The following MYH11 variants were observed in gnomAD, a reference collection of about 807,000 sequenced individuals.
The protein encoded by MYH11 is myosin-11.
A neutral mutation model predicts 246.6 loss-of-function variants in MYH11; 80 were observed. The ratio of observed to expected loss-of-function variants is 0.32; its 90% CI spans 0.27 to 0.39. The LOEUF (loss-of-function observed/expected upper bound fraction) is 0.39, where lower values mean the gene tolerates loss of function less well. Ranked by LOEUF, MYH11 falls within the 10% of genes least tolerant of loss-of-function variation. The probability of loss-of-function intolerance (pLI) is 1.00; values close to 1 mark genes in which losing one functional copy is unlikely to be tolerated. For missense variants in MYH11, 2,158 were observed against 2,546.8 expected, an observed-to-expected ratio of 0.85 and a Z score of 3.29; for synonymous variants, 1,071 against 1,015.5, an observed-to-expected ratio of 1.05 and a Z score of -1.04.
At chr16:15,728,508 T>A (rs1025655504) in intron 27 of MYH11, among the ~76,000 whole-genome samples, 3 of 151,992 alleles carry the variant, frequency 2.0e-5, no homozygotes, top group African/African-American at 7.3e-5. Flanking sequence ...CCTTCACAGG[T>A]GTCGTGTGAT....
intron 4 of MYH11, among the ~76,000 whole-genome samples, chr16:15,790,075 C>A (rs766063286): frequency 5.3e-5 from 8 of 152,168 alleles, no homozygotes; most frequent in Non-Finnish European, 1.2e-4. Flanking sequence ...GAGGCTGAGG[C>A]GGGTGGATCA....
At chr16:15,725,160 C>T in intron 28 of MYH11, 168 bp from the exon 29 acceptor site, 1 of 649,862 alleles carries the variant, frequency 1.5e-6, no homozygotes. Flanking sequence ...CACACACACA[C>T]ACAAAAAAAA....
intron 5 of MYH11, chr16:15,786,139 A>C (rs1285010864): frequency 3.1e-6 from 1 of 320,090 alleles, no homozygotes; most frequent in Non-Finnish European, 6.1e-6. Context: ...TCATGAAAGG[A>C]GTGCTTCTCA....
chr16:15,786,357 C>A (rs896488500), intron 5 of MYH11: 7 of 589,540 alleles, frequency 1.2e-5, no homozygotes, highest in African/African-American at 9.2e-5. Context: ...GAAGCCCCGA[C>A]GTGGAGGAAG....
chr16:15,843,190 G>A (rs140157104), intron 1 of MYH11, among the ~76,000 whole-genome samples: 1,967 of 151,890 alleles, frequency 0.013, 47 homozygotes, highest in African/African-American at 0.042. Context: ...GTCAACATGG[G>A]AAAACCCTGT....
intron 5 of MYH11, 159 bp downstream of exon 5, chr16:15,786,471 C>T (rs1452808990): frequency 8.7e-6 from 7 of 808,206 alleles, no homozygotes; most frequent in Non-Finnish European, 1.3e-5. Flanking sequence ...CTCAACAGGC[C>T]TGCTCGCCAA....
At chr16:15,817,949 A>G (rs1176652118) in intron 3 of MYH11, among the ~76,000 whole-genome samples, 1 of 152,120 alleles carries the variant, frequency 6.6e-6, no homozygotes, top group East Asian at 1.9e-4. Flanking sequence ...CTTTTCTATA[A>G]ATAACTCTAA....
At chr16:15,764,039 G>A in intron 9 of MYH11, 148 bp from the exon 10 acceptor site, 1 of 716,412 alleles carries the variant, frequency 1.4e-6, no homozygotes, top group South Asian at 1.5e-5. Flanking sequence ...TTTTCATATG[G>A]TTGCTTAAAA....
Position 15,745,206 on chromosome 16 carries a change from C to T in MYH11, c.2443G>A (p.Ala815Thr), listed in dbSNP as rs774279707. Residue 815 changes from alanine (A) to threonine (T), a missense_variant, in exon 20 of 41, where the codon GCC becomes ACC. Around this residue, in one of 11 missense-constraint regions of MYH11, gnomAD observed 90 missense variants for 144.2 expected, o/e 0.62. Coordinates refer to ENST00000300036, the MANE Select transcript of MYH11 (RefSeq NM_002474.3). ...AFAKRQQQLT[A>T]MKVIQRNCAA... ...CAGTTCCTCTGAATCACCTTCATGGCGGTCAGCTGCTGCTGCCTCTTGGCA... is the reference window on the plus strand; with the variant it reads ...CAGTTCCTCTGAATCACCTTCATGGTGGTCAGCTGCTGCTGCCTCTTGGCA... 9 of 1,613,932 alleles carry T rather than the reference C, an allele frequency of 5.6e-6. No homozygotes were observed. Among genetic ancestry groups the T allele is most frequent in the African/African-American group, 2.7e-5 (2 of 74,904 alleles).
intron 7 of MYH11, among the ~76,000 whole-genome samples, chr16:15,778,130 G>A (rs1198951535): frequency 6.6e-6 from 1 of 152,166 alleles, no homozygotes; most frequent in African/African-American, 2.4e-5. Context: ...CTCTAGACCT[G>A]GTTGTTCCCC....
chr16:15,788,077 C>CT (rs1555569336), intron 4 of MYH11, among the ~76,000 whole-genome samples: 5,448 of 55,368 alleles, frequency 0.098, 1,038 homozygotes, highest in East Asian at 0.29. Context: ...GAAGGTAGAT[C>CT]TTTTTTTTTT....
At chr16:15,727,605 T>A (rs556941555) in intron 27 of MYH11, among the ~76,000 whole-genome samples, 12 of 152,276 alleles carry the variant, frequency 7.9e-5, no homozygotes, top group African/African-American at 2.9e-4. Context: ...TCACTACTTT[T>A]AAAAAAATGA....
chr16:15,835,080 CAA>C (rs111629749), intron 2 of MYH11, among the ~76,000 whole-genome samples: 7,708 of 125,114 alleles, frequency 0.062, 249 homozygotes, highest in Non-Finnish European at 0.089. Context: ...GCCCCCATCT[CAA>C]AAAAAAAAAA....
chr16:15,717,880 C>T (rs563536574), intron 37 of MYH11: 9 of 273,860 alleles, frequency 3.3e-5, no homozygotes, highest in Non-Finnish European at 5.6e-5. Flanking sequence ...CTGGAGTCGC[C>T]TGGAGAATGA....
intron 22 of MYH11, among the ~76,000 whole-genome samples, chr16:15,740,687 G>A (rs1439652815): frequency 6.6e-6 from 1 of 151,848 alleles, no homozygotes; most frequent in Non-Finnish European, 1.5e-5. Flanking sequence ...TATAAAATGA[G>A]CACAGTAGGT....
At chr16:15,754,110 G>A (rs931441212) in intron 14 of MYH11, among the ~76,000 whole-genome samples, 2 of 151,950 alleles carry the variant, frequency 1.3e-5, no homozygotes, top group South Asian at 2.1e-4. Context: ...CCAGCTACTC[G>A]GGAGGCTGAG....
chr16:15,752,213 T>C (rs574220455), intron 15 of MYH11, among the ~76,000 whole-genome samples: 1 of 152,158 alleles, frequency 6.6e-6, no homozygotes, highest in Non-Finnish European at 1.5e-5. Flanking sequence ...CAGGGTGCGA[T>C]GTTGTTCCCT....
At chr16:15,758,059 G>C (rs899190948) in intron 12 of MYH11, 59 bp from the exon 13 acceptor site, 20 of 1,610,840 alleles carry the variant, frequency 1.2e-5, no homozygotes, top group Admixed American at 8.3e-5. Context: ...AGAAGACAAG[G>C]AGCCCCACAG....
chr16:15,777,104 T>TATAC (rs1555566551), intron 7 of MYH11, among the ~76,000 whole-genome samples: 3 of 147,878 alleles, frequency 2.0e-5, no homozygotes, highest in African/African-American at 7.5e-5. Flanking sequence ...CACGCACACA[T>TATAC]ACACACACAC....
Sources: allele counts gnomAD v4.1 joint callset (sites outside exome capture counted in the v4.1 genomes callset), GRCh38; gene constraint gnomAD v4.1.1; regional missense constraint gnomAD v4.1.1; transcripts MANE v1.5; gene names NCBI Gene and HGNC (gene_info 2026-07-23, HGNC 2026-07-21).